CERCAM: variants seen among roughly 807,000 people sequenced by gnomAD.
CERCAM encodes inactive glycosyltransferase 25 family member 3.
A neutral mutation model predicts 66.0 loss-of-function variants in CERCAM; 59 were observed. The ratio of observed to expected loss-of-function variants is 0.89; its 90% CI spans 0.73 to 1.11. CERCAM has a LOEUF of 1.11. Ranked by LOEUF, CERCAM falls within the 50% of genes most tolerant of loss-of-function variation. The probability of loss-of-function intolerance (pLI) is 0.00; values close to 1 mark genes in which losing one functional copy is unlikely to be tolerated. For missense variants in CERCAM, 840 were observed against 828.3 expected (o/e 1.01, Z -0.17); for synonymous variants, 318 against 343.6 (o/e 0.93, Z 0.83).
In CERCAM at chr9:128,431,279, C is replaced by T. The variant is rs780210537; in HGVS notation, c.1179C>T (p.Leu393=). ...TLTKGEVGCF[L]SHYSIWEEVV... ...CCAAGGGCGAGGTGGGCTGCTTCCT[C>T]AGCCATTACTCCATCTGGGAAGAGG... is the stretch of plus-strand genomic sequence containing the variant. The change falls in exon 9 of 13, where the codon CTC becomes CTT. Residue 393 remains leucine, a synonymous_variant. Transcript: ENST00000372838. The T allele has an allele frequency of 2.5e-6, 4 of 1,613,994 alleles. No individual in the cohort carries two copies. The highest frequency in any genetic ancestry group is 4.5e-5 in the East Asian group (2 of 44,898).
rs1364998637 is a variant in CERCAM at position 128,424,613 on chromosome 9, T to G, written c.765T>G (p.Ala255=). ...IIVFAYACQA[A]GVSVHVCNEH... ...TCTTCGCCTATGCCTGCCAGGCTGCTGGTGAGGACCAGCCCTCCTTTAGCA... is the reference window on the plus strand; with the variant it reads ...TCTTCGCCTATGCCTGCCAGGCTGCGGGTGAGGACCAGCCCTCCTTTAGCA... The change falls in exon 5 of 13, where the codon GCT becomes GCG. Residue 255 remains alanine, a splice_region_variant and synonymous_variant. Coordinates refer to ENST00000372838, the MANE Select transcript of CERCAM (RefSeq NM_016174.5). The G allele has an allele frequency of 1.2e-6, 2 of 1,613,856 alleles. No homozygotes were observed. Among genetic ancestry groups the G allele is most frequent in the South Asian group, 2.2e-5 (2 of 91,074 alleles).
In CERCAM at chr9:128,434,493, A is replaced by G. The variant is rs749213348; in HGVS notation, c.1415A>G (p.Tyr472Cys). ...LPGLVVAGYS[Y>C]WTLAYALRLA... ...GGCCTGGTGGTGGCTGGGTACTCCT[A>G]CTGGACGCTGGCCTATGCCCTGCGT... The change falls in exon 11 of 13, where the codon TAC (tyrosine) becomes TGC (cysteine). Residue 472 changes from tyrosine (Y) to cysteine (C), a missense_variant. Physicochemically the swap from Tyr to Cys is radical, Grantham distance 194. Coordinates refer to ENST00000372838, the MANE Select transcript of CERCAM (RefSeq NM_016174.5). The surrounding 1 kb of genome is among the most constrained non-coding windows in gnomAD (Gnocchi z 4.5). 6.2e-7 allele frequency: 1 copy of G among 1,613,774 alleles called. No homozygotes were observed. Among genetic ancestry groups the G allele is most frequent in the African/African-American group, 1.3e-5 (1 of 75,054 alleles).
At chr9:128,435,419 C>G (rs1834085065) in intron 11 of CERCAM, among the ~76,000 whole-genome samples, 1 of 152,202 alleles carries the variant, frequency 6.6e-6, no homozygotes, top group Non-Finnish European at 1.5e-5. Flanking sequence ...TAGGCATGAG[C>G]CACTGCGCTC....
chr9:128,428,309 C>G lies in CERCAM; in HGVS notation c.774C>G (p.Ser258=). ...CTCAGCCTGTCTCTGCAGGGGTCTC[C>G]GTCCACGTGTGCAATGAGCACCGTT... ...FAYACQAAGV[S]VHVCNEHRYG... is the part of the protein sequence containing the mutation. Residue 258 remains serine (S), a synonymous_variant, in exon 6 of 13, where the codon TCC becomes TCG. Transcript: ENST00000372838. 1 of 1,613,952 alleles carries G rather than the reference C, an allele frequency of 6.2e-7. No individual in the cohort carries two copies. Among genetic ancestry groups the G allele is most frequent in the Non-Finnish European group, 8.5e-7 (1 of 1,179,934 alleles).
chr9:128,421,927 T>C (rs1416525926), intron 1 of CERCAM: 1 of 152,198 alleles, frequency 6.6e-6, no homozygotes, highest in Non-Finnish European at 1.5e-5. Context: ...TTCTGGGGAA[T>C]TGGCTTAAAG....
chr9:128,427,716 G>A (rs1402207360), intron 5 of CERCAM: 1 of 151,332 alleles, frequency 6.6e-6, no homozygotes, highest in African/African-American at 2.4e-5. Flanking sequence ...AATGAGCCAA[G>A]ATCGCACCAT....
At chr9:128,424,115 C>G (rs1356607259) in intron 3 of CERCAM, 23 bp from the exon 4 acceptor site, 10 of 1,610,244 alleles carry the variant, frequency 6.2e-6, no homozygotes, top group Non-Finnish European at 7.6e-6. Context: ...AGGGCTGGAG[C>G]CTGTGACGTC....
At position 128,434,229 on chromosome 9, in the gene CERCAM, T is replaced by C. The variant is rs1220620066; in HGVS notation, c.1331T>C (p.Ile444Thr). 1.2e-6 allele frequency: 2 copies of C among 1,613,976 alleles called. No homozygotes were observed. The highest frequency in any genetic ancestry group is 1.1e-5 in the South Asian group (1 of 91,076). The change falls in exon 10 of 13, where the codon ATC becomes ACC. Residue 444 changes from isoleucine to threonine, a missense_variant and splice_region_variant. Ile to Thr is a moderately conservative substitution (Grantham distance 89, BLOSUM62 -1). Transcript: ENST00000372838. The surrounding 1 kb of genome is among the most constrained non-coding windows in gnomAD (Gnocchi z 4.5). Reference sequence around the variant, plus strand: ...GCAGAGAAACTGTCTTGGGACCTGATGTAGGCAGCCTGCACCCTCAGGGAC... The same window carrying C: ...GCAGAGAAACTGTCTTGGGACCTGACGTAGGCAGCCTGCACCCTCAGGGAC... Reference protein sequence around the residue: ...VEAEKLSWDLIYLGRKQVNPE... With the variant: ...VEAEKLSWDLTYLGRKQVNPE...
At chr9:128,419,987 C>T (rs985804143), upstream of CERCAM, among the ~76,000 whole-genome samples, 19 of 152,168 alleles carry the variant, frequency 1.2e-4, no homozygotes, top group Non-Finnish European at 2.4e-4. Flanking sequence ...TCTCCTGCCT[C>T]AGCCTCCCAA....
intron 9 of CERCAM, among the ~76,000 whole-genome samples, chr9:128,433,298 AAAATT>A (rs1834024341): frequency 1.3e-5 from 2 of 151,604 alleles, no homozygotes; most frequent in Admixed American, 1.3e-4. Flanking sequence ...AAAAAAAAAA[AAAATT>A]AGCCCGGTGT....
intron 8 of CERCAM, 76 bp from the exon 9 acceptor site, chr9:128,431,095 C>A: frequency 1.3e-6 from 2 of 1,534,824 alleles, no homozygotes; most frequent in South Asian, 1.2e-5. Context: ...TGACTGTCCC[C>A]AACATGCACA....
chr9:128,424,079 A>C (rs1588615747), intron 3 of CERCAM, 59 bp from the exon 4 acceptor site: 1 of 1,575,598 alleles, frequency 6.3e-7, no homozygotes, highest in Admixed American at 1.8e-5. Context: ...CACTCAGTGA[A>C]CTCCTTGGGG....
At position 128,434,524 on chromosome 9, in the gene CERCAM, G is replaced by A. The variant is rs776951394; in HGVS notation, c.1446G>A (p.Ala482=). The A allele has an allele frequency of 1.9e-5, 31 of 1,612,982 alleles. No homozygotes were observed. Among genetic ancestry groups the A allele is most frequent in the East Asian group, 6.7e-5 (3 of 44,872 alleles). Residue 482 remains alanine, a synonymous_variant, in exon 11 of 13, where the codon GCG becomes GCA. Coordinates refer to ENST00000372838, the MANE Select transcript of CERCAM (RefSeq NM_016174.5). The surrounding 1 kb of genome is among the most constrained non-coding windows in gnomAD (Gnocchi z 4.5). Reference sequence around the variant, plus strand: ...CGCTGGCCTATGCCCTGCGTCTGGCGGGTGCCCGCAAGCTGCTGGCCTCAC... The same window carrying A: ...CGCTGGCCTATGCCCTGCGTCTGGCAGGTGCCCGCAAGCTGCTGGCCTCAC... ...YWTLAYALRL[A]GARKLLASQP...
Position 128,434,050 on chromosome 9 carries a change from G to A in CERCAM, c.1204-52G>A, listed in dbSNP as rs367870752. On this transcript the variant is annotated intron_variant, in intron 9 of 12. Transcript: ENST00000372838. The surrounding 1 kb of genome is among the most constrained non-coding windows in gnomAD (Gnocchi z 4.5). ...GGCTGTGAGCTTCAGCGTGGAGGGA[G>A]GGGGGTTGTTTAACTCCGAAGAGCC... is the stretch of plus-strand genomic sequence containing the variant. 78 of 1,600,832 alleles carry A rather than the reference G, an allele frequency of 4.9e-5. No individual in the cohort carries two copies. The South Asian group carries it at 6.8e-4, about 14-fold the overall frequency.
At chr9:128,436,202 C>T (rs992060431) in intron 12 of CERCAM, among the ~76,000 whole-genome samples, 1 of 151,476 alleles carries the variant, frequency 6.6e-6, no homozygotes, top group Non-Finnish European at 1.5e-5. Flanking sequence ...ATTACAGGCA[C>T]CCACCACAAG....
At chr9:128,421,559 G>C (rs1588612603) in intron 1 of CERCAM, 1 of 981,676 alleles carries the variant, frequency 1.0e-6, no homozygotes, top group East Asian at 1.1e-4. Flanking sequence ...AGGGGAGTCA[G>C]ACCGGCCCCC....
At chr9:128,424,650 C>A in intron 5 of CERCAM, 36 bp downstream of exon 5, 4 of 1,581,964 alleles carry the variant, frequency 2.5e-6, no homozygotes, top group Non-Finnish European at 3.5e-6. Context: ...TCCTTGGAGG[C>A]CTCTGCACAT....
In CERCAM at chr9:128,428,755, A is replaced by T. The variant is rs1413274763; in HGVS notation, c.887-2A>T. ...GTGCTTGGGGTGTGCTTCCCTTTGC[A>T]GTGGACGGCCCCCGCATGCAGGCCT... On this transcript the variant is annotated splice_acceptor_variant, in intron 6 of 12. Coordinates refer to ENST00000372838, the MANE Select transcript of CERCAM (RefSeq NM_016174.5). LOFTEE classifies it high-confidence loss of function. The T allele has an allele frequency of 6.8e-6, 11 of 1,613,868 alleles. No individual in the cohort carries two copies. Among genetic ancestry groups the T allele is most frequent in the Non-Finnish European group, 9.3e-6 (11 of 1,179,964 alleles).
At chr9:128,432,157 C>T (rs999927012) in intron 9 of CERCAM, among the ~76,000 whole-genome samples, 1 of 151,986 alleles carries the variant, frequency 6.6e-6, no homozygotes, top group Non-Finnish European at 1.5e-5. Context: ...TCCCAAGTAT[C>T]TGGGATTACA....
Sources: gnomAD v4.1 joint callset for allele counts (sites outside exome capture counted in the v4.1 genomes callset) on GRCh38, gnomAD v4.1.1 for gene constraint, Gnocchi (gnomAD v3.1) non-coding constraint, MANE v1.5 for transcripts, NCBI Gene and HGNC (gene_info 2026-07-23, HGNC 2026-07-21) for gene names.